Variants in LIMCH1 observed in about 807,000 individuals in gnomAD.
The protein encoded by LIMCH1 is LIM and calponin homology domains-containing protein 1.
Under a neutral mutation model 176.5 loss-of-function variants are expected in LIMCH1, and 113 were observed. That is an observed-to-expected ratio of 0.64 (90% CI 0.55 to 0.75). The LOEUF is 0.75. LIMCH1 is among the 30% of genes least tolerant of loss of function. The probability of loss-of-function intolerance (pLI) is 0.00; values close to 1 mark genes in which losing one functional copy is unlikely to be tolerated. For missense variants in LIMCH1, 1,674 were observed against 1,814.9 expected (o/e 0.92, Z 1.41); for synonymous variants, 619 against 645.9 (o/e 0.96, Z 0.63).
intron 1 of LIMCH1, among the ~76,000 whole-genome samples, chr4:41,435,215 C>G (rs2061963187): frequency 6.6e-6 from 1 of 152,016 alleles, no homozygotes; most frequent in Non-Finnish European, 1.5e-5. Context: ...CACAGAAGTC[C>G]TTATAAGAGG....
intron 1 of LIMCH1, among the ~76,000 whole-genome samples, chr4:41,466,820 A>G (rs2066183314): frequency 6.6e-6 from 1 of 152,152 alleles, no homozygotes; most frequent in Non-Finnish European, 1.5e-5. Context: ...TAGTTCAGTG[A>G]CGTGAAGTGC....
chr4:41,381,649 A>G lies in LIMCH1; in HGVS notation c.96+20713A>G, dbSNP rs528891828. 5.3e-5 allele frequency among the ~76,000 whole-genome samples: 8 copies of G among 152,268 alleles called. No individual in the cohort carries two copies. In the South Asian group the frequency reaches 1.7e-3, roughly 32 times the overall value. ...CAGAAGTGATGAGGTGCCTGTTCCAAGCTTAGGCTGTAAGACACCTTGGGT... is the reference window on the plus strand; with the variant it reads ...CAGAAGTGATGAGGTGCCTGTTCCAGGCTTAGGCTGTAAGACACCTTGGGT... On this transcript the variant is annotated intron_variant, in intron 1 of 26. Coordinates refer to the LIMCH1 transcript ENST00000313860.
intron 14 of LIMCH1, among the ~76,000 whole-genome samples, chr4:41,640,550 T>C (rs752139747): frequency 3.3e-5 from 5 of 152,092 alleles, no homozygotes; most frequent in Admixed American, 3.3e-4. Context: ...CCAAGAAGAG[T>C]AAAAGGAGCT....
chr4:41,696,684 T>C (rs964819566), intron 31 of LIMCH1, among the ~76,000 whole-genome samples: 1 of 152,212 alleles, frequency 6.6e-6, no homozygotes, highest in Non-Finnish European at 1.5e-5. Flanking sequence ...GTACTGGGTA[T>C]TGCGTATTTA....
chr4:41,634,815 C>T (rs754475749), intron 13 of LIMCH1, among the ~76,000 whole-genome samples: 4 of 152,184 alleles, frequency 2.6e-5, no homozygotes, highest in Non-Finnish European at 4.4e-5. Flanking sequence ...AGAAAAGCTG[C>T]GTGAGTGGAT....
intron 2 of LIMCH1, among the ~76,000 whole-genome samples, chr4:41,496,668 A>C (rs2072209723): frequency 6.6e-6 from 1 of 152,176 alleles, no homozygotes; most frequent in Non-Finnish European, 1.5e-5. Flanking sequence ...TGAGACTATT[A>C]GGCTGCTACA....
At chr4:41,524,523 C>G (rs1453371971) in intron 3 of LIMCH1, 1 of 1,424,548 alleles carries the variant, frequency 7.0e-7, no homozygotes, top group African/African-American at 1.4e-5. Flanking sequence ...TTCCTTTGCT[C>G]TAACCTAGGG....
chr4:41,589,159 A>C (rs898736430), intron 1 of LIMCH1, among the ~76,000 whole-genome samples: 2 of 152,232 alleles, frequency 1.3e-5, no homozygotes, highest in Non-Finnish European at 2.9e-5. Context: ...TTGTAAATGA[A>C]AGAGCAGGTG....
intron 1 of LIMCH1, among the ~76,000 whole-genome samples, chr4:41,385,126 T>G (rs2056315238): frequency 1.3e-5 from 2 of 152,244 alleles, no homozygotes; most frequent in African/African-American, 4.8e-5. Context: ...CAGTGGATAT[T>G]GTGACCTGGC....
intron 1 of LIMCH1, among the ~76,000 whole-genome samples, chr4:41,555,149 C>G (rs1236297715): frequency 6.6e-6 from 1 of 152,152 alleles, no homozygotes; most frequent in Non-Finnish European, 1.5e-5. Context: ...AAACTGTTCA[C>G]AAATTGCAAA....
chr4:41,370,846 C>T (rs1321246422), intron 1 of LIMCH1, among the ~76,000 whole-genome samples: 2 of 152,142 alleles, frequency 1.3e-5, no homozygotes, highest in Non-Finnish European at 2.9e-5. Flanking sequence ...CAGCACAGTG[C>T]CTGATATATA....
intron 1 of LIMCH1, among the ~76,000 whole-genome samples, chr4:41,441,708 C>A (rs1469953445): frequency 6.6e-6 from 1 of 152,086 alleles, no homozygotes; most frequent in African/African-American, 2.4e-5. Flanking sequence ...AAAGTTGTGT[C>A]TAATACTCTT....
At chr4:41,601,113 CA>C (rs1319286969) in intron 2 of LIMCH1, among the ~76,000 whole-genome samples, 6 of 152,108 alleles carry the variant, frequency 3.9e-5, no homozygotes. Flanking sequence ...TGGCATTTTT[CA>C]TTCATTCATT....
intron 1 of LIMCH1, among the ~76,000 whole-genome samples, chr4:41,367,866 T>TAAAAA (rs750045066): frequency 2.2e-5 from 2 of 90,906 alleles, no homozygotes; most frequent in Non-Finnish European, 4.6e-5. Flanking sequence ...GACTCCATCA[T>TAAAAA]AAAAAAAAAA....
intron 2 of LIMCH1, among the ~76,000 whole-genome samples, chr4:41,522,930 C>CA: frequency 6.6e-6 from 1 of 152,132 alleles, no homozygotes; most frequent in East Asian, 1.9e-4. Context: ...AAAGAGCAGC[C>CA]AGCTTGGCTC....
At chr4:41,449,313 C>T (rs1469124329) in intron 1 of LIMCH1, among the ~76,000 whole-genome samples, 7 of 152,156 alleles carry the variant, frequency 4.6e-5, no homozygotes, top group Non-Finnish European at 4.4e-5. Context: ...GTCTTTCTGG[C>T]GAACTTGGTC....
rs555386156 is a variant in LIMCH1, at chr4:41,409,387, C to T, written c.96+48451C>T. Among the ~76,000 whole-genome samples the T allele has an allele frequency of 5.9e-5, 9 of 151,974 alleles. No homozygotes were observed. The South Asian group carries it at 6.3e-4, about 11-fold the overall frequency. ...CCCAGAATATCAAGGAGATTAATGCCGCCAGTAGTAGAGATGACTATTAAC... is the reference window on the plus strand; with the variant it reads ...CCCAGAATATCAAGGAGATTAATGCTGCCAGTAGTAGAGATGACTATTAAC... On this transcript the variant is annotated intron_variant, in intron 1 of 26. Coordinates refer to the LIMCH1 transcript ENST00000313860.
At chr4:41,430,421 GC>G (rs1399973461) in intron 1 of LIMCH1, among the ~76,000 whole-genome samples, 1 of 152,000 alleles carries the variant, frequency 6.6e-6, no homozygotes, top group Non-Finnish European at 1.5e-5. Context: ...GTGCCACTAC[GC>G]CCGGCTAATT....
At chr4:41,606,800 A>G (rs561006844) in intron 4 of LIMCH1, among the ~76,000 whole-genome samples, 9 of 152,038 alleles carry the variant, frequency 5.9e-5, no homozygotes, top group African/African-American at 1.9e-4. Context: ...GTACTTTTTT[A>G]ATTATTTTAT....
Sources: allele counts gnomAD v4.1 joint callset (sites outside exome capture counted in the v4.1 genomes callset), GRCh38; gene constraint gnomAD v4.1.1; transcripts MANE v1.5; gene names NCBI Gene and HGNC (gene_info 2026-07-23, HGNC 2026-07-21).